The following SOX5 variants were observed in gnomAD, a reference collection of about 807,000 sequenced individuals.
SOX5 encodes SRY-box transcription factor 5.
SOX5 carries 9 observed loss-of-function variants against 92.0 expected under a neutral mutation model. The ratio of observed to expected loss-of-function variants is 0.10; its 90% CI spans 0.06 to 0.17. SOX5 has a LOEUF of 0.17. Ranked by LOEUF, SOX5 falls within the 10% of genes least tolerant of loss-of-function variation. SOX5 has a pLI of 1.00. For missense variants in SOX5, 642 were observed against 944.5 expected (o/e 0.68, Z 4.20); for synonymous variants, 344 against 336.3 (o/e 1.02, Z -0.25).
intron 9 of SOX5, among the ~76,000 whole-genome samples, chr12:23,587,749 A>G (rs1443252120): frequency 6.6e-6 from 1 of 152,120 alleles, no homozygotes; most frequent in Admixed American, 6.6e-5. Flanking sequence ...ATATAGACCT[A>G]TTTGCCTTCA....
intron 3 of SOX5, among the ~76,000 whole-genome samples, chr12:23,791,930 C>G (rs1328888449): frequency 1.3e-5 from 2 of 151,246 alleles, no homozygotes; most frequent in Non-Finnish European, 2.9e-5. Flanking sequence ...TATAGAATAC[C>G]TATAGACAAG....
intron 1 of SOX5, among the ~76,000 whole-genome samples, chr12:24,405,327 T>C (rs1405415741): frequency 6.6e-6 from 1 of 152,206 alleles, no homozygotes; most frequent in African/African-American, 2.4e-5. Context: ...TTTTATCTCA[T>C]TTCCTTGAAT....
intron 2 of SOX5, among the ~76,000 whole-genome samples, chr12:23,860,105 T>G (rs973126573): frequency 2.0e-5 from 3 of 152,066 alleles, no homozygotes; most frequent in African/African-American, 7.2e-5. Flanking sequence ...TAAGAACTTA[T>G]GAACACAGAG....
intron 4 of SOX5, among the ~76,000 whole-genome samples, chr12:24,008,807 C>T (rs1028843993): frequency 3.3e-5 from 5 of 152,116 alleles, no homozygotes; most frequent in African/African-American, 1.2e-4. Flanking sequence ...ATGAACCATG[C>T]TTTCCAGTAT....
At chr12:23,721,073 T>TTTTATTTA (rs573080260) in intron 6 of SOX5, among the ~76,000 whole-genome samples, 6 of 146,426 alleles carry the variant, frequency 4.1e-5, no homozygotes, top group Non-Finnish European at 7.4e-5. Context: ...ATATTAATTA[T>TTTTATTTA]TTTATTTATT....
chr12:24,153,913 A>G (rs1434184377), intron 4 of SOX5, among the ~76,000 whole-genome samples: 1 of 152,098 alleles, frequency 6.6e-6, no homozygotes, highest in African/African-American at 2.4e-5. Context: ...ATACGTGTTT[A>G]TCTTCAAAGA....
rs559463946 is a variant in SOX5, at chr12:23,835,301, G to A, written c.481+10682C>T. 2.6e-5 allele frequency among the ~76,000 whole-genome samples: 4 copies of A among 151,842 alleles called. No homozygotes were observed. In the East Asian group the frequency reaches 7.7e-4, roughly 29 times the overall value. ...TCTGAATGTATGATGTAACTGAAAG[G>A]GAAAAAAGGAACCTGGACCCATAAA... is the stretch of plus-strand genomic sequence containing the variant. On this transcript the variant is annotated intron_variant, in intron 3 of 14. Coordinates refer to ENST00000451604, the MANE Select transcript of SOX5 (RefSeq NM_006940.6).
At chr12:23,992,484 T>C (rs1197222264) in intron 4 of SOX5, among the ~76,000 whole-genome samples, 2 of 152,192 alleles carry the variant, frequency 1.3e-5, no homozygotes, top group Admixed American at 6.5e-5. Flanking sequence ...TCTTTTCTAA[T>C]GTGAATTTCT....
chr12:23,754,080 T>A (rs1338503614), intron 4 of SOX5, among the ~76,000 whole-genome samples: 2 of 151,796 alleles, frequency 1.3e-5, no homozygotes, highest in Non-Finnish European at 2.9e-5. Flanking sequence ...GACAGAAACT[T>A]CTTTTGTGAT....
At chr12:24,037,239 C>T (rs900340914) in intron 4 of SOX5, among the ~76,000 whole-genome samples, 2 of 152,108 alleles carry the variant, frequency 1.3e-5, no homozygotes, top group Non-Finnish European at 2.9e-5. Context: ...ATAACATATA[C>T]ACACATACAT....
At chr12:24,285,977 G>C (rs114319034) in intron 2 of SOX5, among the ~76,000 whole-genome samples, 1,762 of 152,228 alleles carry the variant, frequency 0.012, 30 homozygotes, top group African/African-American at 0.04. Context: ...ATTTGAACTA[G>C]AATCTGTGAG....
chr12:24,454,803 T>A (rs1316938338), intron 1 of SOX5, among the ~76,000 whole-genome samples: 1 of 152,206 alleles, frequency 6.6e-6, no homozygotes, highest in Non-Finnish European at 1.5e-5. Flanking sequence ...TTTTTTTTCA[T>A]GACATAGGTT....
chr12:23,958,388 C>T (rs1220718284), intron 4 of SOX5, among the ~76,000 whole-genome samples: 1 of 151,908 alleles, frequency 6.6e-6, no homozygotes, highest in Non-Finnish European at 1.5e-5. Flanking sequence ...CAAAAATAAA[C>T]TTTTTTCATG....
intron 10 of SOX5, among the ~76,000 whole-genome samples, chr12:23,570,930 AATATATATAT>A (rs1164831816): frequency 0.015 from 305 of 19,694 alleles, 1 homozygote; most frequent in Middle Eastern, 0.029. Context: ...AAAAAAAAAA[AATATATATAT>A]ATATATATAT....
chr12:23,896,517 G>A (rs188161831), intron 1 of SOX5, among the ~76,000 whole-genome samples: 15 of 152,158 alleles, frequency 9.9e-5, no homozygotes, highest in Admixed American at 2.0e-4. Flanking sequence ...TAAGATTATT[G>A]TAAAATGTAG....
rs375023116 is a variant in SOX5 at position 23,727,710 on chromosome 12, G to A, written c.810+6974C>T. Among the ~76,000 whole-genome samples the A allele has an allele frequency of 9.2e-5, 14 of 152,222 alleles. No individual in the cohort carries two copies. The East Asian group carries it at 2.5e-3, about 27-fold the overall frequency. Reference sequence around the variant, plus strand: ...AAATCTTCATGTTTCCAGGATCATGGTATTTAAAGTTGATAAGTCAGAAAT... The same window carrying A: ...AAATCTTCATGTTTCCAGGATCATGATATTTAAAGTTGATAAGTCAGAAAT... On this transcript the variant is annotated intron_variant, in intron 6 of 14. Transcript: ENST00000451604.
intron 2 of SOX5, among the ~76,000 whole-genome samples, chr12:24,299,888 C>A (rs1425323185): frequency 1.3e-5 from 2 of 152,122 alleles, no homozygotes; most frequent in Non-Finnish European, 2.9e-5. Flanking sequence ...TTACCATGCT[C>A]TCTGTGTGAT....
At chr12:23,539,041 G>C (rs1423083546) in intron 13 of SOX5, among the ~76,000 whole-genome samples, 3 of 151,774 alleles carry the variant, frequency 2.0e-5, no homozygotes, top group Admixed American at 6.6e-5. Context: ...TCCTGATCTC[G>C]TGATCTGCCC....
intron 4 of SOX5, among the ~76,000 whole-genome samples, chr12:24,047,542 T>C (rs1332377746): frequency 6.6e-6 from 1 of 152,212 alleles, no homozygotes; most frequent in Non-Finnish European, 1.5e-5. Flanking sequence ...TCTTAAAGAC[T>C]GTAGGCGTTT....
Sources: gnomAD v4.1 joint callset for allele counts (sites outside exome capture counted in the v4.1 genomes callset) on GRCh38, gnomAD v4.1.1 for gene constraint, MANE v1.5 for transcripts, NCBI Gene and HGNC (gene_info 2026-07-23, HGNC 2026-07-21) for gene names.